Variants in TRPV6 observed in about 807,000 individuals in gnomAD.
TRPV6 encodes Alu-binding protein with zinc finger domain.
A neutral mutation model predicts 79.0 loss-of-function variants in TRPV6; 39 were observed. That is an observed-to-expected ratio of 0.49 (90% CI 0.38 to 0.64). The LOEUF (loss-of-function observed/expected upper bound fraction) is 0.64. TRPV6 is among the 30% of genes least tolerant of loss of function. TRPV6 has a pLI of 0.00. For synonymous variants in TRPV6, 373 were observed against 391.9 expected (o/e 0.95, Z 0.57); for missense variants, 813 against 1,011.1 (o/e 0.80, Z 2.66).
Position 142,875,576 on chromosome 7 carries a change from C to G in TRPV6, c.1134G>C (p.Leu378=), listed in dbSNP as rs1795044581. Reference sequence around the variant, plus strand: ...AGCACATGGTGAAGCAGATGATGTACAGCAGATATATGGCACCCAGCATGC... The same window carrying G: ...AGCACATGGTGAAGCAGATGATGTAGAGCAGATATATGGCACCCAGCATGC... The change falls in exon 8 of 15, where the codon CTG becomes CTC. Residue 378 remains leucine (L), a synonymous_variant. Transcript: ENST00000359396. The G allele has an allele frequency of 6.2e-7, 1 of 1,613,478 alleles. No homozygotes were observed. The highest frequency in any genetic ancestry group is 1.1e-5 in the South Asian group (1 of 91,054).
In TRPV6 at chr7:142,876,824, C is replaced by A; in HGVS notation, c.621G>T (p.Leu207Phe). Reference sequence around the variant, plus strand: ...CACTGTTCACACAGGCAGCAAAGGACAAAGGGTGCTCCCCTGTGGACACAG... The same window carrying A: ...CACTGTTCACACAGGCAGCAAAGGAAAAAGGGTGCTCCCCTGTGGACACAG... Residue 207 changes from leucine (L) to phenylalanine (F), a missense_variant, in exon 5 of 15, where the codon TTG (leucine) becomes TTT (phenylalanine). Leu to Phe is a conservative substitution (Grantham distance 22). Coordinates refer to ENST00000359396, the MANE Select transcript of TRPV6 (RefSeq NM_018646.6). 6.2e-7 allele frequency: 1 copy of A among 1,614,112 alleles called. No homozygotes were observed. Among genetic ancestry groups the A allele is most frequent in the Non-Finnish European group, 8.5e-7 (1 of 1,179,992 alleles).
chr7:142,874,810 T>C, intron 10 of TRPV6, 94 bp downstream of exon 10: 14 of 1,575,430 alleles, frequency 8.9e-6, no homozygotes, highest in Non-Finnish European at 1.2e-5. Context: ...GAGAGGGGGC[T>C]CTGGAGCTAA....
chr7:142,883,722 C>T, intron 1 of TRPV6: 1 of 152,214 alleles, frequency 6.6e-6, no homozygotes, highest in East Asian at 1.9e-4. Flanking sequence ...AGGAAACTCC[C>T]CTTGCAGGCA....
chr7:142,873,917 C>A lies in TRPV6; in HGVS notation c.1639+159G>T. 9.3e-7 allele frequency: 1 copy of A among 1,075,134 alleles called. No individual in the cohort carries two copies. Among genetic ancestry groups the A allele is most frequent in the Non-Finnish European group, 1.4e-6 (1 of 737,104 alleles). The allele number at this position is 1,075,134 out of a possible 1,614,324, so 66.6% of individuals were successfully genotyped here. ...AAGAGCCACCTCTCCCTAACACTCC[C>A]GATTTTTCTCACCTCTGGAGGACGT... is the stretch of plus-strand genomic sequence containing the variant. On this transcript the variant is annotated intron_variant, in intron 12 of 14. Transcript: ENST00000359396. This position sits in a 1 kb window ranked among gnomAD's most constrained non-coding sequence, Gnocchi z 4.8.
At chr7:142,877,559 CTG>C in intron 3 of TRPV6, 90 bp downstream of exon 3, 1 of 1,548,660 alleles carries the variant, frequency 6.5e-7, no homozygotes, top group South Asian at 1.2e-5. Flanking sequence ...CTCAGATCCC[CTG>C]TGTCTTTCCC....
In TRPV6 at chr7:142,871,852, G is replaced by A. The variant is rs534417573; in HGVS notation, c.2153C>T (p.Ser718Phe). The A allele has an allele frequency of 1.7e-5, 28 of 1,614,184 alleles. No individual in the cohort carries two copies. The Admixed American group carries it at 4.0e-4, about 23-fold the overall frequency. The stretch of plus-strand genomic sequence containing the variant: ...TCGAGACACTGAGGGCATAGGAAGG[G>A]ACAGGTGGGGGCTGAAGGGACAGCC... Residue 718 changes from serine (S) to phenylalanine (F), a missense_variant, in exon 15 of 15, where the codon TCC becomes TTC. Around this residue, in one of 3 missense-constraint regions of TRPV6, gnomAD observed 164 missense variants for 186.1 expected, o/e 0.88. Coordinates refer to ENST00000359396, the MANE Select transcript of TRPV6 (RefSeq NM_018646.6).
At chr7:142,874,380 G>T in intron 11 of TRPV6, 111 bp downstream of exon 11, 1 of 1,375,756 alleles carries the variant, frequency 7.3e-7, no homozygotes, top group Non-Finnish European at 1.0e-6. Flanking sequence ...ATGCAGTGAG[G>T]CCATGTGTGG....
Position 142,885,712 on chromosome 7 carries a change from G to A in TRPV6, c.-76C>T, listed in dbSNP as rs1483386610. On this transcript the variant is annotated 5_prime_UTR_variant, in exon 1 of 15. Transcript: ENST00000359396. ...CCAGCCAGTTTGGAGAGGGCTGTGA[G>A]TTTGTTACACTTGGCAGAGCCAGCC... 1 of 674,376 alleles carries A rather than the reference G, an allele frequency of 1.5e-6. No individual in the cohort carries two copies. Among genetic ancestry groups the A allele is most frequent in the Non-Finnish European group, 2.3e-6 (1 of 431,912 alleles). 41.8% of individuals were successfully genotyped at this position (674,376 alleles called of 1,614,324 possible).
chr7:142,874,400 C>T (rs370924195), intron 11 of TRPV6, 91 bp downstream of exon 11: 4 of 1,510,658 alleles, frequency 2.6e-6, no homozygotes, highest in Non-Finnish European at 2.7e-6. Flanking sequence ...GCTTGCAGAA[C>T]CTGCAATGTC....
chr7:142,871,848 A>G lies in TRPV6; in HGVS notation c.2157T>C (p.Leu719=). Residue 719 remains leucine, a synonymous_variant, in exon 15 of 15, where the codon CTT becomes CTC. Coordinates refer to ENST00000359396, the MANE Select transcript of TRPV6 (RefSeq NM_018646.6). The stretch of plus-strand genomic sequence containing the variant: ...TACTTCGAGACACTGAGGGCATAGG[A>G]AGGGACAGGTGGGGGCTGAAGGGAC... 1 of 1,614,102 alleles carries G rather than the reference A, an allele frequency of 6.2e-7. No individual in the cohort carries two copies. Among genetic ancestry groups the G allele is most frequent in the Non-Finnish European group, 8.5e-7 (1 of 1,180,010 alleles).
chr7:142,871,363 C>T lies in TRPV6; in HGVS notation c.*344G>A. 2.2e-6 allele frequency: 1 copy of T among 448,632 alleles called. No homozygotes were observed. Among genetic ancestry groups the T allele is most frequent in the South Asian group, 2.4e-5 (1 of 40,876 alleles). The allele number at this position is 448,632 out of a possible 1,614,324, so 27.8% of individuals were successfully genotyped here. A position where few individuals can be genotyped will look rare whatever the true frequency, so the allele number is the denominator to read the frequency against. On this transcript the variant is annotated 3_prime_UTR_variant, in exon 15 of 15. Transcript: ENST00000359396. The stretch of plus-strand genomic sequence containing the variant: ...GGTGCCCTGGGAAGGGCTCTCTCCC[C>T]ACTTATGACCCTGGGGTGGAGACCG...
intron 1 of TRPV6, chr7:142,884,725 T>C (rs939073539): frequency 2.0e-5 from 3 of 152,054 alleles, no homozygotes; most frequent in African/African-American, 7.3e-5. Flanking sequence ...GGAACATCTG[T>C]TATTTTGACC....
In TRPV6 at chr7:142,885,723, TTG is replaced by T; in HGVS notation, c.-89_-88del. On this transcript the variant is annotated 5_prime_UTR_variant, in exon 1 of 15. Coordinates refer to ENST00000359396, the MANE Select transcript of TRPV6 (RefSeq NM_018646.6). Reference sequence around the variant, plus strand: ...GGAGAGGGCTGTGAGTTTGTTACACTTGGCAGAGCCAGCCAGGACTCTGCAGG... The same window carrying T: ...GGAGAGGGCTGTGAGTTTGTTACACTGCAGAGCCAGCCAGGACTCTGCAGG... 1.6e-6 allele frequency: 1 copy of T among 610,284 alleles called. No homozygotes were observed. The highest frequency in any genetic ancestry group is 2.7e-6 in the Non-Finnish European group (1 of 376,866). 37.8% of individuals were successfully genotyped at this position (610,284 alleles called of 1,614,324 possible). A position where few individuals can be genotyped will look rare whatever the true frequency, so the allele number is the denominator to read the frequency against.
intron 1 of TRPV6, chr7:142,882,758 T>C (rs1563358823): frequency 1.3e-5 from 2 of 152,184 alleles, no homozygotes; most frequent in Non-Finnish European, 2.9e-5. Flanking sequence ...GCGTGCACAA[T>C]ATACCAGAGA....
Position 142,877,718 on chromosome 7 carries a change from G to A in TRPV6, c.402C>T (p.Ala134=), listed in dbSNP as rs387907545. The stretch of plus-strand genomic sequence containing the variant: ...GGGCAGCCTCCATCAGCACCATGGC[G>A]GCCTCCAGGTTGTCATAGAGGGCTG... Residue 134 remains alanine, a synonymous_variant, in exon 3 of 15, where the codon GCC becomes GCT. Coordinates refer to ENST00000359396, the MANE Select transcript of TRPV6 (RefSeq NM_018646.6). The A allele has an allele frequency of 7.8e-5, 126 of 1,614,038 alleles. No homozygotes were observed. Among genetic ancestry groups the A allele is most frequent in the Non-Finnish European group, 9.7e-5 (114 of 1,180,038 alleles).
rs1008666149 is a variant in TRPV6 at position 142,871,254 on chromosome 7, G to A, written c.*453C>T. 34 of 501,984 alleles carry A rather than the reference G, an allele frequency of 6.8e-5. No homozygotes were observed. Among genetic ancestry groups the A allele is most frequent in the African/African-American group, 4.6e-4 (24 of 52,310 alleles). The allele number at this position is 501,984 out of a possible 1,614,324, so 31.1% of individuals were successfully genotyped here. On this transcript the variant is annotated 3_prime_UTR_variant, in exon 15 of 15. Transcript: ENST00000359396. ...TTGAAGATGGAGTTGGCAAGACCTA[G>A]CCCCACTTCCCACCCCCAGAGCCGT...
At chr7:142,877,355 T>C in intron 3 of TRPV6, 76 bp from the exon 4 acceptor site, 2 of 1,578,864 alleles carry the variant, frequency 1.3e-6, no homozygotes, top group Non-Finnish European at 1.7e-6. Flanking sequence ...TGCACCCCAG[T>C]CTCTTTCCCT....
rs377369006 is a variant in TRPV6, at chr7:142,872,405, C to T, written c.1982G>A (p.Arg661Gln). The change falls in exon 14 of 15, where the codon CGG (arginine) becomes CAG (glutamine). Residue 661 changes from arginine to glutamine, a missense_variant. Coordinates refer to ENST00000359396, the MANE Select transcript of TRPV6 (RefSeq NM_018646.6). ...CCAGCGGTCTCCCAGGCCATACTCC[C>T]GTCCGCAGATCCCGGAGCGAGGCCA... is the stretch of plus-strand genomic sequence containing the variant. 9.3e-6 allele frequency: 15 copies of T among 1,614,094 alleles called. 1 individual carries two copies. The highest frequency in any genetic ancestry group is 8.8e-5 in the South Asian group (8 of 91,090).
rs1795032383 is a variant in TRPV6 at position 142,875,168 on chromosome 7, A to G, written c.1243-4T>C. ...CCTTAGGGGTCATGTAGGCTTCCTA[A>G]TGGGGGAGAAGAACAGTCAAAATGC... On this transcript the variant is annotated splice_polypyrimidine_tract_variant and splice_region_variant and intron_variant, in intron 8 of 14. Coordinates refer to ENST00000359396, the MANE Select transcript of TRPV6 (RefSeq NM_018646.6). 6.2e-7 allele frequency: 1 copy of G among 1,613,894 alleles called. No homozygotes were observed. The highest frequency in any genetic ancestry group is 8.5e-7 in the Non-Finnish European group (1 of 1,179,944).
Sources: allele counts gnomAD v4.1 joint callset, GRCh38; gene constraint gnomAD v4.1.1; regional missense constraint gnomAD v4.1.1; non-coding constraint Gnocchi (gnomAD v3.1); transcripts MANE v1.5; gene names NCBI Gene and HGNC (gene_info 2026-07-23, HGNC 2026-07-21).